Variants in CNMD observed in about 807,000 individuals in gnomAD.
CNMD encodes the protein leukocyte cell-derived chemotaxin 1.
In CNMD, 30 loss-of-function variants were observed where a neutral mutation model predicts 37.5. The ratio of observed to expected loss-of-function variants is 0.80; its 90% CI spans 0.60 to 1.09. The LOEUF is 1.09. Among genes scored for constraint, CNMD ranks in the 50% least tolerant of loss-of-function variants. The probability of loss-of-function intolerance (pLI) is 0.00; values close to 1 mark genes in which losing one functional copy is unlikely to be tolerated. For synonymous variants in CNMD, 167 were observed against 148.2 expected (o/e 1.13, Z -0.92); for missense variants, 398 against 423.9 (o/e 0.94, Z 0.54).
intron 3 of CNMD, among the ~76,000 whole-genome samples, chr13:52,731,867 T>G (rs1224109311): frequency 6.6e-6 from 1 of 152,232 alleles, no homozygotes; most frequent in Non-Finnish European, 1.5e-5. Flanking sequence ...TACCCTGTCC[T>G]GGGTCTTGCA....
At chr13:52,725,944 A>C (rs1226716230) in intron 3 of CNMD, among the ~76,000 whole-genome samples, 3 of 152,194 alleles carry the variant, frequency 2.0e-5, no homozygotes, top group Non-Finnish European at 4.4e-5. Context: ...AGGACTGCAA[A>C]ACACAGAAGA....
chr13:52,739,758 C>T lies in CNMD; in HGVS notation c.-57G>A, dbSNP rs780973126. 12 of 1,467,176 alleles carry T rather than the reference C, an allele frequency of 8.2e-6. No homozygotes were observed. The highest frequency in any genetic ancestry group is 1.0e-5 in the Non-Finnish European group (11 of 1,049,280). 90.9% of individuals were successfully genotyped at this position (1,467,176 alleles called of 1,614,324 possible). A position where few individuals can be genotyped will look rare whatever the true frequency, so the allele number is the denominator to read the frequency against. Reference sequence around the variant, plus strand: ...ACTCCCTGGGCACCCTGGGATCTGTCCCGCTGCCCCGACGTGCAGGGCATT... The same window carrying T: ...ACTCCCTGGGCACCCTGGGATCTGTTCCGCTGCCCCGACGTGCAGGGCATT... On this transcript the variant is annotated 5_prime_UTR_variant, in exon 1 of 7. Coordinates refer to ENST00000377962, the MANE Select transcript of CNMD (RefSeq NM_007015.3). The surrounding 1 kb of genome is among the most constrained non-coding windows in gnomAD (Gnocchi z 5.4).
chr13:52,703,543 G>A lies in CNMD; in HGVS notation c.*52C>T, dbSNP rs903403001. 2.1e-5 allele frequency: 28 copies of A among 1,310,594 alleles called. No homozygotes were observed. The South Asian group carries it at 2.8e-4, about 13-fold the overall frequency. 81.2% of individuals were successfully genotyped at this position (1,310,594 alleles called of 1,614,324 possible). On this transcript the variant is annotated 3_prime_UTR_variant, in exon 7 of 7. Transcript: ENST00000377962. Reference sequence around the variant, plus strand: ...ATCAACCTGCCTTAATGCTTCTTTGGTTGTCTCTTCAGCTAGTTCTTATTT... The same window carrying A: ...ATCAACCTGCCTTAATGCTTCTTTGATTGTCTCTTCAGCTAGTTCTTATTT...
chr13:52,734,028 T>C (rs533287581), intron 2 of CNMD, among the ~76,000 whole-genome samples: 1 of 152,300 alleles, frequency 6.6e-6, no homozygotes, highest in South Asian at 2.1e-4. Context: ...ATGGTAGTAC[T>C]CCCTGAACGA....
chr13:52,725,170 T>C (rs185670994), intron 3 of CNMD, among the ~76,000 whole-genome samples: 32 of 152,340 alleles, frequency 2.1e-4, no homozygotes, highest in African/African-American at 6.7e-4. Context: ...CCATAAGTCC[T>C]CCTGTCTTCA....
In CNMD at chr13:52,739,512, C is replaced by T; in HGVS notation, c.72+118G>A. ...GACATCCCACCCACACATTTGGGAC[C>T]CAAATTTATCCCCCCGCCAACACAC... is the stretch of plus-strand genomic sequence containing the variant. On this transcript the variant is annotated intron_variant, in intron 1 of 6. Coordinates refer to ENST00000377962, the MANE Select transcript of CNMD (RefSeq NM_007015.3). The surrounding 1 kb of genome is among the most constrained non-coding windows in gnomAD (Gnocchi z 5.4). 1.1e-6 allele frequency: 1 copy of T among 941,876 alleles called. No individual in the cohort carries two copies. 58.3% of individuals were successfully genotyped at this position (941,876 alleles called of 1,614,324 possible). A position where few individuals can be genotyped will look rare whatever the true frequency, so the allele number is the denominator to read the frequency against.
chr13:52,724,417 C>CAAAAAAAAAAAA (rs71094319), intron 3 of CNMD, among the ~76,000 whole-genome samples: 11 of 85,778 alleles, frequency 1.3e-4, no homozygotes, highest in African/African-American at 3.9e-4. Flanking sequence ...ACTAAAAATA[C>CAAAAAAAAAAAA]AAAAAAAAAA....
At chr13:52,730,668 T>C (rs1211152583) in intron 3 of CNMD, among the ~76,000 whole-genome samples, 2 of 152,208 alleles carry the variant, frequency 1.3e-5, no homozygotes. Flanking sequence ...TTTGATGGGA[T>C]ATTCTTTCAA....
chr13:52,703,493 A>C lies in CNMD; in HGVS notation c.*102T>G. On this transcript the variant is annotated 3_prime_UTR_variant, in exon 7 of 7. Coordinates refer to ENST00000377962, the MANE Select transcript of CNMD (RefSeq NM_007015.3). ...AAGAATAACCGCTCAGGTTGAGTGT[A>C]AAAATATTTTGTGGTCCTATCAGCA... is the stretch of plus-strand genomic sequence containing the variant. 2.6e-6 allele frequency: 2 copies of C among 758,972 alleles called. No homozygotes were observed. Among genetic ancestry groups the C allele is most frequent in the Non-Finnish European group, 4.4e-6 (2 of 458,454 alleles). The allele number at this position is 758,972 out of a possible 1,614,324, so 47.0% of individuals were successfully genotyped here. A position where few individuals can be genotyped will look rare whatever the true frequency, so the allele number is the denominator to read the frequency against.
At chr13:52,716,760 A>G (rs1964390983) in intron 4 of CNMD, among the ~76,000 whole-genome samples, 1 of 152,144 alleles carries the variant, frequency 6.6e-6, no homozygotes, top group Non-Finnish European at 1.5e-5. Flanking sequence ...GCCTTGTAGT[A>G]TAGTTTGAAG....
In CNMD at chr13:52,739,135, C is replaced by CG. The variant is rs1964835297; in HGVS notation, c.108dup (p.Ala37ArgfsTer66). ...ACGGCTCCCACCTTGAGCAGCCGCGCGGGGCTGGAGGGCTTCACCGTCAGC... is the reference window on the plus strand; with the variant it reads ...ACGGCTCCCACCTTGAGCAGCCGCGCGGGGGCTGGAGGGCTTCACCGTCAGC... On this transcript the variant is annotated frameshift_variant, in exon 2 of 7. Transcript: ENST00000377962. LOFTEE classifies it high-confidence loss of function. This position sits in a 1 kb window ranked among gnomAD's most constrained non-coding sequence, Gnocchi z 5.4. 2 of 1,550,586 alleles carry CG rather than the reference C, an allele frequency of 1.3e-6. No homozygotes were observed. The highest frequency in any genetic ancestry group is 1.7e-6 in the Non-Finnish European group (2 of 1,154,562).
Position 52,739,166 on chromosome 13 carries a change from G to C in CNMD, c.78C>G (p.Tyr26Ter). The change falls in exon 2 of 7, where the codon TAC becomes TAG. Residue 26 changes from tyrosine to a stop codon, truncating the protein, a stop_gained. Coordinates refer to ENST00000377962, the MANE Select transcript of CNMD (RefSeq NM_007015.3). LOFTEE classifies it high-confidence loss of function. This position sits in a 1 kb window ranked among gnomAD's most constrained non-coding sequence, Gnocchi z 5.4. ...DDVEFCSPPAYATLTVKPSSP... is the reference protein window; with the variant it reads ...DDVEFCSPPA ...TGGAGGGCTTCACCGTCAGCGTAGCGTACGCCTGCGGGCCGGGGCGGGAGA... is the reference window on the plus strand; with the variant it reads ...TGGAGGGCTTCACCGTCAGCGTAGCCTACGCCTGCGGGCCGGGGCGGGAGA... 2 of 1,495,936 alleles carry C rather than the reference G, an allele frequency of 1.3e-6. No individual in the cohort carries two copies. The highest frequency in any genetic ancestry group is 1.8e-6 in the Non-Finnish European group (2 of 1,129,576). 92.7% of individuals were successfully genotyped at this position (1,495,936 alleles called of 1,614,324 possible). A position where few individuals can be genotyped will look rare whatever the true frequency, so the allele number is the denominator to read the frequency against.
At position 52,703,826 on chromosome 13, in the gene CNMD, T is replaced by C; in HGVS notation, c.790-16A>G. 6.9e-6 allele frequency: 11 copies of C among 1,598,540 alleles called. No individual in the cohort carries two copies. The highest frequency in any genetic ancestry group is 9.4e-6 in the Non-Finnish European group (11 of 1,166,288). On this transcript the variant is annotated splice_polypyrimidine_tract_variant and intron_variant, in intron 6 of 6. Coordinates refer to ENST00000377962, the MANE Select transcript of CNMD (RefSeq NM_007015.3). ...CTTCCTGCTGCTGTGAAATAAAAGATAATTATTTGTGATAACTGCATAGTG... is the reference window on the plus strand; with the variant it reads ...CTTCCTGCTGCTGTGAAATAAAAGACAATTATTTGTGATAACTGCATAGTG...
intron 3 of CNMD, among the ~76,000 whole-genome samples, chr13:52,727,362 T>C (rs1964592321): frequency 6.7e-6 from 1 of 150,056 alleles, no homozygotes; most frequent in Admixed American, 6.7e-5. Context: ...CAAAAATAAA[T>C]AAAAAAGAAT....
At chr13:52,705,407 T>C (rs9536247) in intron 6 of CNMD, among the ~76,000 whole-genome samples, 51,015 of 152,108 alleles carry the variant, frequency 0.34, 9,362 homozygotes, top group Middle Eastern at 0.45. Flanking sequence ...TCAAGTTATG[T>C]CATCAAAATA....
At chr13:52,731,212 G>A (rs1031228366) in intron 3 of CNMD, among the ~76,000 whole-genome samples, 2 of 152,120 alleles carry the variant, frequency 1.3e-5, no homozygotes, top group Non-Finnish European at 2.9e-5. Context: ...ATAACTCATT[G>A]GAACACGTTT....
intron 4 of CNMD, among the ~76,000 whole-genome samples, chr13:52,715,399 T>A (rs574512924): frequency 6.6e-6 from 1 of 152,314 alleles, no homozygotes; most frequent in African/African-American, 2.4e-5. Context: ...ATGTGCAGAA[T>A]GTGCAGGTTT....
chr13:52,726,554 C>A (rs1964577700), intron 3 of CNMD, among the ~76,000 whole-genome samples: 1 of 150,574 alleles, frequency 6.6e-6, no homozygotes, highest in African/African-American at 2.4e-5. Flanking sequence ...TGCATGCACC[C>A]AGAATGAAAG....
At chr13:52,733,948 C>T (rs891647058) in intron 2 of CNMD, among the ~76,000 whole-genome samples, 1 of 152,130 alleles carries the variant, frequency 6.6e-6, no homozygotes, top group African/African-American at 2.4e-5. Flanking sequence ...CAGACAGGAC[C>T]AGGGTATGCT....
Sources: gnomAD v4.1 joint callset for allele counts (sites outside exome capture counted in the v4.1 genomes callset) on GRCh38, gnomAD v4.1.1 for gene constraint, Gnocchi (gnomAD v3.1) non-coding constraint, MANE v1.5 for transcripts, NCBI Gene and HGNC (gene_info 2026-07-23, HGNC 2026-07-21) for gene names.